The following ARHGEF3 variants were observed in gnomAD, a reference collection of about 807,000 sequenced individuals.
ARHGEF3 encodes Rho guanine nucleotide exchange factor 3.
ARHGEF3 carries 28 observed loss-of-function variants against 63.2 expected under a neutral mutation model. The ratio of observed to expected loss-of-function variants is 0.44; its 90% CI spans 0.33 to 0.61. The LOEUF (loss-of-function observed/expected upper bound fraction) is 0.61. Among genes scored for constraint, ARHGEF3 ranks in the 20% least tolerant of loss-of-function variants. ARHGEF3 has a pLI of 0.03. For missense variants in ARHGEF3, 533 were observed against 659.3 expected (o/e 0.81, Z 2.10); for synonymous variants, 266 against 254.2 (o/e 1.05, Z -0.44).
chr3:56,837,543 G>A (rs2039156697), intron 4 of ARHGEF3, among the ~76,000 whole-genome samples: 1 of 152,184 alleles, frequency 6.6e-6, no homozygotes, highest in South Asian at 2.1e-4. Flanking sequence ...TGAAGAGGAC[G>A]ATTATTCAAG....
At chr3:56,992,364 G>T (rs1320125160) in intron 2 of ARHGEF3, among the ~76,000 whole-genome samples, 1 of 121,274 alleles carries the variant, frequency 8.2e-6, no homozygotes, top group African/African-American at 3.2e-5. Context: ...CTATGGTAGG[G>T]AGGATGGCTT....
At chr3:57,069,592 C>T (rs1416507398) in intron 1 of ARHGEF3, among the ~76,000 whole-genome samples, 2 of 152,142 alleles carry the variant, frequency 1.3e-5, no homozygotes, top group South Asian at 2.1e-4. Flanking sequence ...TGTATTTGTG[C>T]TGTGCCAAAG....
chr3:56,904,402 C>T (rs141103434), intron 3 of ARHGEF3, among the ~76,000 whole-genome samples: 94 of 152,142 alleles, frequency 6.2e-4, no homozygotes, highest in Admixed American at 1.4e-3. Flanking sequence ...TGGGCTCAAG[C>T]GATCTTCCCA....
chr3:56,903,522 C>A (rs906059145), intron 3 of ARHGEF3, among the ~76,000 whole-genome samples: 3 of 152,210 alleles, frequency 2.0e-5, no homozygotes, highest in African/African-American at 7.2e-5. Context: ...AGGACATGCA[C>A]CAACATTCTC....
At position 56,735,658 on chromosome 3, in the gene ARHGEF3, T is replaced by C. The variant is rs1295753213; in HGVS notation, c.1041+1527A>G. ...TCCTAGAAAGAACGTTCAAGGAGCT[T>C]GGTGTAAGATACTAGAAGTCCACAG... is the stretch of plus-strand genomic sequence containing the variant. On this transcript the variant is annotated intron_variant, in intron 8 of 9. Coordinates refer to ENST00000296315, the MANE Select transcript of ARHGEF3 (RefSeq NM_019555.3). Among the ~76,000 whole-genome samples the C allele has an allele frequency of 2.0e-5, 3 of 152,184 alleles. No individual in the cohort carries two copies. The East Asian group carries it at 5.8e-4, about 29-fold the overall frequency.
intron 3 of ARHGEF3, among the ~76,000 whole-genome samples, chr3:56,917,995 T>C (rs1578840468): frequency 6.6e-6 from 1 of 152,164 alleles, no homozygotes; most frequent in Non-Finnish European, 1.5e-5. Context: ...GGTTTCAGAT[T>C]GTCCTTGGGA....
At chr3:56,989,218 CT>C (rs1163651504) in intron 2 of ARHGEF3, among the ~76,000 whole-genome samples, 1 of 152,026 alleles carries the variant, frequency 6.6e-6, no homozygotes, top group Non-Finnish European at 1.5e-5. Flanking sequence ...AACAAAAAGT[CT>C]TCTTTTCCTA....
At position 56,831,160 on chromosome 3, in the gene ARHGEF3, A is replaced by G. The variant is rs139531408; in HGVS notation, c.192+51132T>C. On this transcript the variant is annotated intron_variant, in intron 4 of 12. Coordinates refer to the ARHGEF3 transcript ENST00000338458. Reference sequence around the variant, plus strand: ...ATGAAGTAACTGGGTTATCTCATTTACTCTTCTCAAGAACACTTTTAGAAT... The same window carrying G: ...ATGAAGTAACTGGGTTATCTCATTTGCTCTTCTCAAGAACACTTTTAGAAT... 4.4e-3 allele frequency among the ~76,000 whole-genome samples: 672 copies of G among 152,218 alleles called. 7 individuals are homozygous for G. The highest frequency in any genetic ancestry group is 0.015 in the African/African-American group (634 of 41,514).
intron 1 of ARHGEF3, among the ~76,000 whole-genome samples, chr3:57,067,381 G>C (rs1705603544): frequency 6.6e-6 from 1 of 151,488 alleles, no homozygotes; most frequent in Non-Finnish European, 1.5e-5. Context: ...CGTGAACCCA[G>C]GAGGCAGAGC....
chr3:56,978,161 C>CT (rs11410134), intron 2 of ARHGEF3, among the ~76,000 whole-genome samples: 20,955 of 152,232 alleles, frequency 0.14, 1,614 homozygotes, highest in East Asian at 0.25. Flanking sequence ...AATAAGCCTA[C>CT]TACCTTTATT....
At chr3:56,798,610 A>G (rs2107955705) in intron 1 of ARHGEF3, among the ~76,000 whole-genome samples, 1 of 150,726 alleles carries the variant, frequency 6.6e-6, no homozygotes, top group African/African-American at 2.5e-5. Context: ...TTGATTTTTA[A>G]CTTACAATCA....
At chr3:56,941,517 T>C (rs1215193946) in intron 3 of ARHGEF3, among the ~76,000 whole-genome samples, 2 of 152,194 alleles carry the variant, frequency 1.3e-5, no homozygotes, top group Admixed American at 6.5e-5. Flanking sequence ...CCACAGAACA[T>C]GTTCAATGAA....
intron 2 of ARHGEF3, among the ~76,000 whole-genome samples, chr3:57,012,505 C>T (rs1702745051): frequency 6.6e-6 from 1 of 152,210 alleles, no homozygotes; most frequent in Non-Finnish European, 1.5e-5. Context: ...GTGATCTTCC[C>T]ACCTTGGCCT....
intron 1 of ARHGEF3, chr3:57,076,660 A>G (rs1054654996): frequency 2.6e-5 from 4 of 152,186 alleles, no homozygotes; most frequent in Non-Finnish European, 5.9e-5. Context: ...CTGGAGGTGA[A>G]AGTATGCTAC....
chr3:57,046,171 C>G (rs1055744123), intron 1 of ARHGEF3, among the ~76,000 whole-genome samples: 1 of 152,226 alleles, frequency 6.6e-6, no homozygotes, highest in Non-Finnish European at 1.5e-5. Flanking sequence ...CAAGATATAT[C>G]AAGGACCTGT....
intron 2 of ARHGEF3, among the ~76,000 whole-genome samples, chr3:56,760,643 G>C (rs897602212): frequency 6.6e-6 from 1 of 152,178 alleles, no homozygotes; most frequent in Non-Finnish European, 1.5e-5. Flanking sequence ...AGGAAACTGA[G>C]GTTGAGGGAG....
chr3:56,779,850 C>T (rs1027184152), intron 1 of ARHGEF3, among the ~76,000 whole-genome samples: 8 of 152,188 alleles, frequency 5.3e-5, no homozygotes, highest in Admixed American at 2.0e-4. Context: ...AAGTTACTTA[C>T]TCAGTTTCTT....
intron 4 of ARHGEF3, among the ~76,000 whole-genome samples, chr3:56,867,608 G>A (rs960543888): frequency 1.3e-5 from 2 of 151,988 alleles, no homozygotes; most frequent in Non-Finnish European, 2.9e-5. Flanking sequence ...AAGTAGCCAG[G>A]ACCACAGGCA....
intron 3 of ARHGEF3, among the ~76,000 whole-genome samples, chr3:56,957,080 A>C (rs908602866): frequency 1.3e-5 from 2 of 152,210 alleles, no homozygotes; most frequent in African/African-American, 2.4e-5. Flanking sequence ...TTTTGTACTT[A>C]ATGGTTATGA....
Sources: allele counts gnomAD v4.1 joint callset (sites outside exome capture counted in the v4.1 genomes callset), GRCh38; gene constraint gnomAD v4.1.1; transcripts MANE v1.5; gene names NCBI Gene and HGNC (gene_info 2026-07-23, HGNC 2026-07-21).